Variants in NEGR1 observed in about 807,000 individuals in gnomAD.
NEGR1 encodes the protein IgLON family member 4.
NEGR1 carries 10 observed loss-of-function variants against 40.9 expected under a neutral mutation model. The observed-to-expected ratio is 0.24, with a 90% CI of 0.15 to 0.42. The LOEUF (loss-of-function observed/expected upper bound fraction) is 0.42, where lower values mean the gene tolerates loss of function less well. NEGR1 is among the 10% of genes least tolerant of loss of function. The pLI is 1.00. For synonymous variants in NEGR1, 185 were observed against 166.8 expected (o/e 1.11, Z -0.84); for missense variants, 352 against 438.9 (o/e 0.80, Z 1.77).
In NEGR1 at chr1:71,647,234, G is replaced by A. The variant is rs112452672; in HGVS notation, c.668-36088C>T. Among the ~76,000 whole-genome samples, 773 of 151,774 alleles carry A rather than the reference G, an allele frequency of 5.1e-3. 1 individual carries two copies. Among genetic ancestry groups the A allele is most frequent in the Middle Eastern group, 6.8e-3 (2 of 294 alleles). On this transcript the variant is annotated intron_variant, in intron 4 of 6. Coordinates refer to ENST00000357731, the MANE Select transcript of NEGR1 (RefSeq NM_173808.3). ...CATTTCTCACCATTTTCATTCTTGA[G>A]AACCAACTGGGTCCCCAAATACATT... is the stretch of plus-strand genomic sequence containing the variant.
chr1:72,191,927 G>T (rs1338458021), intron 1 of NEGR1, among the ~76,000 whole-genome samples: 1 of 151,830 alleles, frequency 6.6e-6, no homozygotes, highest in Non-Finnish European at 1.5e-5. Flanking sequence ...GCAAATGTCT[G>T]TTCCCTAAGG....
intron 2 of NEGR1, among the ~76,000 whole-genome samples, chr1:71,851,029 G>A (rs148599379): frequency 2.4e-3 from 359 of 152,254 alleles, no homozygotes; most frequent in African/African-American, 8.1e-3. Context: ...CAAGATGAGC[G>A]TGTGTTTCCT....
rs546506707 is a variant in NEGR1 at position 71,493,623 on chromosome 1, T to C, written c.941-86053A>G. On this transcript the variant is annotated intron_variant, in intron 6 of 6. Coordinates refer to ENST00000357731, the MANE Select transcript of NEGR1 (RefSeq NM_173808.3). ...TAAATTTTAGACCACAATATCTTGATTGCCCTCCTATTGGTATTTTACACT... is the reference window on the plus strand; with the variant it reads ...TAAATTTTAGACCACAATATCTTGACTGCCCTCCTATTGGTATTTTACACT... 1.8e-4 allele frequency among the ~76,000 whole-genome samples: 28 copies of C among 152,336 alleles called. No individual in the cohort carries two copies. In the South Asian group the frequency reaches 5.4e-3, roughly 29 times the overall value.
At chr1:72,273,399 T>A (rs768339674) in intron 1 of NEGR1, among the ~76,000 whole-genome samples, 4 of 151,966 alleles carry the variant, frequency 2.6e-5, no homozygotes, top group Admixed American at 6.6e-5. Flanking sequence ...CATTTTGCTA[T>A]TTTGAACTGT....
chr1:71,952,297 T>A (rs1024016195), intron 1 of NEGR1, among the ~76,000 whole-genome samples: 1 of 151,948 alleles, frequency 6.6e-6, no homozygotes, highest in Admixed American at 6.6e-5. Flanking sequence ...CCAGTGAACA[T>A]ATGAATGATA....
At chr1:71,678,972 T>C (rs546866328) in intron 4 of NEGR1, among the ~76,000 whole-genome samples, 17 of 152,242 alleles carry the variant, frequency 1.1e-4, no homozygotes, top group African/African-American at 4.1e-4. Context: ...GGAAAACCAC[T>C]GAAGATGTTT....
Position 71,459,884 on chromosome 1 carries a change from C to T in NEGR1, c.941-52314G>A, listed in dbSNP as rs77292808. Among the ~76,000 whole-genome samples, 1,336 of 152,250 alleles carry T rather than the reference C, an allele frequency of 8.8e-3. 9 individuals are homozygous for T. The highest frequency in any genetic ancestry group is 0.013 in the Non-Finnish European group (913 of 68,024). On this transcript the variant is annotated intron_variant, in intron 6 of 6. Coordinates refer to ENST00000357731, the MANE Select transcript of NEGR1 (RefSeq NM_173808.3). ...CAATCATAACTTCCTCAGAATCCTT[C>T]TAAGAATACCCAAATGGGTCAAATA...
chr1:71,461,967 C>T (rs1009782905), intron 6 of NEGR1: 3 of 152,168 alleles, frequency 2.0e-5, no homozygotes, highest in Admixed American at 6.5e-5. Context: ...GGCAGAACAA[C>T]TGGCAGAGTG....
At chr1:71,419,969 GT>G (rs1646384064) in intron 6 of NEGR1, among the ~76,000 whole-genome samples, 1 of 150,928 alleles carries the variant, frequency 6.6e-6, no homozygotes, top group South Asian at 2.1e-4. Context: ...TCAGACACTA[GT>G]CAAGATGGTA....
chr1:72,197,401 T>G (rs1316103260), intron 1 of NEGR1, among the ~76,000 whole-genome samples: 2 of 152,056 alleles, frequency 1.3e-5, no homozygotes, highest in Non-Finnish European at 2.9e-5. Flanking sequence ...CAATATATTA[T>G]ATTTTATATT....
intron 6 of NEGR1, among the ~76,000 whole-genome samples, chr1:71,465,787 G>A (rs1646741603): frequency 6.6e-6 from 1 of 151,920 alleles, no homozygotes; most frequent in African/African-American, 2.4e-5. Context: ...TCATACTAAT[G>A]GCATGATTGT....
chr1:71,778,228 T>C (rs1302807590), intron 2 of NEGR1, among the ~76,000 whole-genome samples: 1 of 152,054 alleles, frequency 6.6e-6, no homozygotes, highest in African/African-American at 2.4e-5. Context: ...GTCACTGACT[T>C]ACAATGGTTC....
At chr1:71,928,565 T>TAC (rs1447312160) in intron 2 of NEGR1, among the ~76,000 whole-genome samples, 3 of 147,588 alleles carry the variant, frequency 2.0e-5, no homozygotes, top group African/African-American at 7.4e-5. Context: ...TGTATATATA[T>TAC]ACCTATATAT....
At chr1:71,472,453 A>C (rs1345080037) in intron 6 of NEGR1, 3 of 152,112 alleles carry the variant, frequency 2.0e-5, no homozygotes, top group African/African-American at 4.8e-5. Flanking sequence ...TAAAAGATGA[A>C]ATTCAATTGG....
At chr1:72,197,655 G>A (rs959633315) in intron 1 of NEGR1, among the ~76,000 whole-genome samples, 6 of 151,892 alleles carry the variant, frequency 4.0e-5, no homozygotes, top group Admixed American at 1.3e-4. Context: ...ATGCTGAAAC[G>A]TTTCTCCATT....
chr1:71,947,471 A>C (rs1279982161), intron 1 of NEGR1, among the ~76,000 whole-genome samples: 1 of 152,140 alleles, frequency 6.6e-6, no homozygotes, highest in Non-Finnish European at 1.5e-5. Context: ...AATTACAGGA[A>C]TCTCACCCAA....
intron 4 of NEGR1, among the ~76,000 whole-genome samples, chr1:71,677,403 A>G (rs1444259221): frequency 1.3e-5 from 2 of 152,212 alleles, no homozygotes; most frequent in Non-Finnish European, 2.9e-5. Flanking sequence ...ATTATGTACT[A>G]TAATTAAATT....
At chr1:71,944,974 G>GA (rs1337636962) in intron 1 of NEGR1, among the ~76,000 whole-genome samples, 1 of 151,692 alleles carries the variant, frequency 6.6e-6, no homozygotes. Flanking sequence ...TACCCAAGAA[G>GA]AAAAAAATTA....
chr1:71,569,937 G>C (rs1458790016), intron 6 of NEGR1, among the ~76,000 whole-genome samples: 1 of 152,028 alleles, frequency 6.6e-6, no homozygotes, highest in Non-Finnish European at 1.5e-5. Flanking sequence ...TTCAGTGTTG[G>C]TGGTTATAGA....
Sources: gnomAD v4.1 joint callset for allele counts (sites outside exome capture counted in the v4.1 genomes callset) on GRCh38, gnomAD v4.1.1 for gene constraint, MANE v1.5 for transcripts, NCBI Gene and HGNC (gene_info 2026-07-23, HGNC 2026-07-21) for gene names.